Variants in CCDC85A observed in about 807,000 individuals in gnomAD.
The protein encoded by CCDC85A is coiled-coil domain-containing protein 85A.
CCDC85A carries 38 observed loss-of-function variants against 50.2 expected under a neutral mutation model. The ratio of observed to expected loss-of-function variants is 0.76; its 90% confidence interval spans 0.58 to 0.99. The LOEUF (loss-of-function observed/expected upper bound fraction) is 0.99. Ranked by LOEUF, CCDC85A falls within the 50% of genes least tolerant of loss-of-function variation. The pLI is 0.00. For synonymous variants in CCDC85A, 366 were observed against 301.4 expected, an observed-to-expected ratio of 1.21 and a Z score of -2.22; for missense variants, 820 against 742.0, an observed-to-expected ratio of 1.11 and a Z score of -1.22.
intron 2 of CCDC85A, among the ~76,000 whole-genome samples, chr2:56,257,240 C>T (rs1042742513): frequency 2.6e-5 from 4 of 152,034 alleles, no homozygotes; most frequent in Non-Finnish European, 5.9e-5. Flanking sequence ...GAGATGGTGG[C>T]AAGGCATTAG....
intron 2 of CCDC85A, among the ~76,000 whole-genome samples, chr2:56,218,726 C>A (rs778782977): frequency 6.6e-6 from 1 of 151,682 alleles, no homozygotes. Context: ...ATGATGTCCC[C>A]GAAATTTCTT....
intron 2 of CCDC85A, among the ~76,000 whole-genome samples, chr2:56,276,396 C>G (rs1670945670): frequency 2.0e-5 from 3 of 152,022 alleles, no homozygotes; most frequent in Admixed American, 2.0e-4. Flanking sequence ...TATCCCCACC[C>G]AAATCTCATC....
intron 2 of CCDC85A, among the ~76,000 whole-genome samples, chr2:56,311,101 T>C (rs1174760513): frequency 2.6e-5 from 4 of 152,190 alleles, no homozygotes; most frequent in Admixed American, 2.0e-4. Context: ...TGACATAAGC[T>C]AGAAATAATG....
intron 3 of CCDC85A, among the ~76,000 whole-genome samples, chr2:56,349,560 T>C (rs898205054): frequency 2.6e-5 from 4 of 152,106 alleles, no homozygotes; most frequent in African/African-American, 9.7e-5. Flanking sequence ...AATGAGGGGA[T>C]TCATAACATT....
intron 2 of CCDC85A, among the ~76,000 whole-genome samples, chr2:56,338,451 G>A (rs912708506): frequency 1.3e-5 from 2 of 152,070 alleles, no homozygotes; most frequent in East Asian, 1.9e-4. Context: ...CAGCGGATGT[G>A]GTCAATGTGT....
chr2:56,184,862 C>T lies in CCDC85A; in HGVS notation c.238C>T (p.Arg80Cys), dbSNP rs780482219. Residue 80 changes from arginine to cysteine, a missense_variant, in exon 1 of 6, where the codon CGC becomes TGC. Arg to Cys is a radical substitution (Grantham distance 180). Transcript: ENST00000407595. ...HSNLIREVNRRLQLHLGEIRG... is the reference protein window; with the variant it reads ...HSNLIREVNRCLQLHLGEIRG... ...CAACCTCATCCGCGAGGTGAACCGCCGCCTGCAGCTGCACCTCGGCGAGAT... is the reference window on the plus strand; with the variant it reads ...CAACCTCATCCGCGAGGTGAACCGCTGCCTGCAGCTGCACCTCGGCGAGAT... 6.5e-7 allele frequency: 1 copy of T among 1,536,350 alleles called. No individual in the cohort carries two copies. The highest frequency in any genetic ancestry group is 1.2e-5 in the South Asian group (1 of 83,018).
chr2:56,195,601 G>A (rs915310233), intron 2 of CCDC85A, among the ~76,000 whole-genome samples: 1 of 152,226 alleles, frequency 6.6e-6, no homozygotes, highest in African/African-American at 2.4e-5. Flanking sequence ...TTGGTAACTT[G>A]TATTTATCCT....
intron 2 of CCDC85A, among the ~76,000 whole-genome samples, chr2:56,302,695 G>C (rs1051699326): frequency 2.6e-5 from 4 of 152,178 alleles, no homozygotes; most frequent in African/African-American, 9.7e-5. Flanking sequence ...CTCATGTTGT[G>C]ATTTCAACAT....
intron 2 of CCDC85A, among the ~76,000 whole-genome samples, chr2:56,279,672 G>C (rs1212733841): frequency 1.3e-5 from 2 of 152,084 alleles, no homozygotes; most frequent in African/African-American, 4.8e-5. Context: ...AGATTATGTG[G>C]TATTTATTTT....
chr2:56,260,792 A>G (rs1054433433), intron 2 of CCDC85A, among the ~76,000 whole-genome samples: 1 of 152,350 alleles, frequency 6.6e-6, no homozygotes, highest in Middle Eastern at 3.4e-3. Flanking sequence ...ATTTAGACAT[A>G]TAAAAGAGTG....
chr2:56,184,400 G>A lies in CCDC85A; in HGVS notation c.-225G>A. On this transcript the variant is annotated 5_prime_UTR_variant, in exon 1 of 6. Coordinates refer to ENST00000407595, the MANE Select transcript of CCDC85A (RefSeq NM_001080433.2). ...GGGACGGGCCTCGGCAGCAGCAAGC[G>A]GCTGGCTGCCGGGCCCTGGGGGAGC... 5.9e-6 allele frequency: 3 copies of A among 511,160 alleles called. No individual in the cohort carries two copies. Among genetic ancestry groups the A allele is most frequent in the Non-Finnish European group, 8.6e-6 (3 of 347,426 alleles). 31.7% of individuals were successfully genotyped at this position (511,160 alleles called of 1,614,324 possible).
chr2:56,271,185 G>C (rs912985511), intron 2 of CCDC85A, among the ~76,000 whole-genome samples: 7 of 152,176 alleles, frequency 4.6e-5, no homozygotes, highest in African/African-American at 1.7e-4. Context: ...TATGAGGCAG[G>C]CGTCAAATGT....
chr2:56,215,876 G>A (rs1677372490), intron 2 of CCDC85A, among the ~76,000 whole-genome samples: 1 of 151,828 alleles, frequency 6.6e-6, no homozygotes, highest in African/African-American at 2.4e-5. Flanking sequence ...TTTTTAAGTG[G>A]TTGGAAAAGA....
chr2:56,343,612 T>A (rs1170438570), intron 3 of CCDC85A, among the ~76,000 whole-genome samples: 1 of 152,224 alleles, frequency 6.6e-6, no homozygotes, highest in African/African-American at 2.4e-5. Context: ...GAGGTGGTTT[T>A]CAGAAAATGT....
chr2:56,240,640 T>C (rs374794756), intron 2 of CCDC85A, among the ~76,000 whole-genome samples: 252 of 152,246 alleles, frequency 1.7e-3, no homozygotes, highest in South Asian at 2.9e-3. Flanking sequence ...ACTCGTGCAA[T>C]ATTATGTGGG....
At chr2:56,328,138 T>C (rs544559718) in intron 2 of CCDC85A, among the ~76,000 whole-genome samples, 1 of 151,798 alleles carries the variant, frequency 6.6e-6, no homozygotes, top group East Asian at 2.0e-4. Context: ...CTTTCCAAAA[T>C]CTCCCTTGAA....
intron 4 of CCDC85A, 41 bp from the exon 5 acceptor site, chr2:56,375,775 G>T: frequency 1.2e-6 from 2 of 1,600,560 alleles, no homozygotes; most frequent in South Asian, 2.3e-5. Flanking sequence ...AGTTATAAAC[G>T]ACTTTTGTTT....
chr2:56,193,542 G>C (rs1289882074), intron 2 of CCDC85A, 102 bp downstream of exon 2: 2 of 1,323,294 alleles, frequency 1.5e-6, no homozygotes, highest in African/African-American at 3.0e-5. Flanking sequence ...GCAGGCGCTA[G>C]CTAGGGAGTG....
chr2:56,261,392 C>T (rs1205285875), intron 2 of CCDC85A, among the ~76,000 whole-genome samples: 1 of 152,190 alleles, frequency 6.6e-6, no homozygotes, highest in African/African-American at 2.4e-5. Context: ...CACAGCCCTG[C>T]TGCCATTTTA....
Sources: gnomAD v4.1 joint callset for allele counts (sites outside exome capture counted in the v4.1 genomes callset) on GRCh38, gnomAD v4.1.1 for gene constraint, MANE v1.5 for transcripts, NCBI Gene and HGNC (gene_info 2026-07-23, HGNC 2026-07-21) for gene names.